The following MTAP variants were observed in gnomAD, a reference collection of about 807,000 sequenced individuals.
MTAP encodes S-methyl-5'-thioadenosine phosphorylase.
In MTAP, 33 loss-of-function variants were observed where a neutral mutation model predicts 33.6. The ratio of observed to expected loss-of-function variants is 0.98; its 90% CI spans 0.74 to 1.31. The LOEUF is 1.31. Ranked by LOEUF, MTAP falls within the 40% of genes most tolerant of loss-of-function variation. The pLI is 0.00. For synonymous variants in MTAP, 148 were observed against 125.7 expected (o/e 1.18, Z -1.19); for missense variants, 367 against 360.0 (o/e 1.02, Z -0.16).
intron 1 of MTAP, among the ~76,000 whole-genome samples, chr9:21,915,036 C>T (rs1248706155): frequency 1.4e-4 from 15 of 104,102 alleles, no homozygotes; most frequent in African/African-American, 4.2e-4. Context: ...TCCTTCCTTC[C>T]TTCCTTCCTT....
In MTAP at chr9:21,864,560, T is replaced by G. The variant is rs1171121418; in HGVS notation, c.*2546T>G. The G allele has an allele frequency of 1.7e-5, 17 of 985,378 alleles. No individual in the cohort carries two copies. Among genetic ancestry groups the G allele is most frequent in the Non-Finnish European group, 1.6e-5 (13 of 829,984 alleles). 61.0% of individuals were successfully genotyped at this position (985,378 alleles called of 1,614,324 possible). Reference sequence around the variant, plus strand: ...TATTTGGCATGGATTTTCATGGTTTTGAGAATGACATCCTGGCCCTGTGGT... The same window carrying G: ...TATTTGGCATGGATTTTCATGGTTTGGAGAATGACATCCTGGCCCTGTGGT... On this transcript the variant is annotated 3_prime_UTR_variant, in exon 8 of 8. Transcript: ENST00000644715.
chr9:21,813,165 G>A (rs1019749804), intron 1 of MTAP, among the ~76,000 whole-genome samples: 2 of 152,254 alleles, frequency 1.3e-5, no homozygotes, highest in Non-Finnish European at 2.9e-5. Context: ...GAGCCAGCAG[G>A]TGGCGACATT....
At chr9:21,854,514 T>G in intron 5 of MTAP, 117 bp from the exon 6 acceptor site, 1 of 1,372,820 alleles carries the variant, frequency 7.3e-7, no homozygotes, top group South Asian at 1.8e-5. Flanking sequence ...ATAGTAGGCA[T>G]TTATTATAGT....
chr9:21,818,207 G>T lies in MTAP; in HGVS notation c.347+5G>T. On this transcript the variant is annotated splice_donor_5th_base_variant and intron_variant, in intron 4 of 7. Coordinates refer to ENST00000644715, the MANE Select transcript of MTAP (RefSeq NM_002451.4). ...TATTGATCAGTTCATTGACAGGTAAGCAGTCATACAAAATGCTTTAGGCTA... is the reference window on the plus strand; with the variant it reads ...TATTGATCAGTTCATTGACAGGTAATCAGTCATACAAAATGCTTTAGGCTA... 6.2e-7 allele frequency: 1 copy of T among 1,605,706 alleles called. No homozygotes were observed. Among genetic ancestry groups the T allele is most frequent in the South Asian group, 1.1e-5 (1 of 90,632 alleles).
intron 3 of MTAP, among the ~76,000 whole-genome samples, chr9:21,817,509 A>G (rs1008334036): frequency 1.3e-5 from 2 of 151,990 alleles, no homozygotes; most frequent in African/African-American, 4.8e-5. Context: ...TACAGGGCGG[A>G]GGCCTTTGGC....
At chr9:21,930,666 C>A (rs904918889) in intron 1 of MTAP, 3 of 499,146 alleles carry the variant, frequency 6.0e-6, no homozygotes, top group East Asian at 6.4e-5. Context: ...ATGGCCAGAG[C>A]AAATTAACAC....
At chr9:21,850,607 G>A (rs1825487433) in intron 5 of MTAP, among the ~76,000 whole-genome samples, 1 of 152,182 alleles carries the variant, frequency 6.6e-6, no homozygotes, top group African/African-American at 2.4e-5. Context: ...TTACAGTGGA[G>A]CCCTCTAGGA....
intron 4 of MTAP, 115 bp downstream of exon 4, chr9:21,818,317 C>CTTT (rs35709813): frequency 0.01 from 2,404 of 240,320 alleles, 150 homozygotes; most frequent in Non-Finnish European, 0.012. Context: ...GACTCGCTTG[C>CTTT]TTTTTTTTTT....
At chr9:21,888,393 A>G (rs1818148055) in intron 1 of MTAP, among the ~76,000 whole-genome samples, 1 of 152,092 alleles carries the variant, frequency 6.6e-6, no homozygotes, top group Non-Finnish European at 1.5e-5. Context: ...GGTCTTCATA[A>G]TCGGTCTAGT....
At chr9:21,927,230 T>G (rs1397480923) in intron 1 of MTAP, among the ~76,000 whole-genome samples, 1 of 152,192 alleles carries the variant, frequency 6.6e-6, no homozygotes, top group African/African-American at 2.4e-5. Flanking sequence ...ATAGGTTACT[T>G]TTTAAAGAAC....
intron 2 of MTAP, 72 bp from the exon 3 acceptor site, chr9:21,816,642 G>A: frequency 7.4e-7 from 1 of 1,344,066 alleles, no homozygotes; most frequent in Non-Finnish European, 1.1e-6. Flanking sequence ...GTCCTGTTGT[G>A]GTTGAACAAT....
chr9:21,816,236 C>T (rs1824471403), intron 2 of MTAP, among the ~76,000 whole-genome samples: 1 of 152,192 alleles, frequency 6.6e-6, no homozygotes, highest in Non-Finnish European at 1.5e-5. Context: ...TCTTAAACCC[C>T]TCGGTTCTAA....
chr9:21,818,199 A>T lies in MTAP; in HGVS notation c.344A>T (p.Asp115Val). 1 of 1,612,234 alleles carries T rather than the reference A, an allele frequency of 6.2e-7. No individual in the cohort carries two copies. Among genetic ancestry groups the T allele is most frequent in the Non-Finnish European group, 8.5e-7 (1 of 1,179,102 alleles). The change falls in exon 4 of 8, where the codon GAC becomes GTC. Residue 115 changes from aspartate (D) to valine (V), a missense_variant. Physicochemically the swap from Asp to Val is radical, Grantham distance 152. Transcript: ENST00000644715. ...ATTGTCATTATTGATCAGTTCATTG[A>T]CAGGTAAGCAGTCATACAAAATGCT... ...GDIVIIDQFI[D>V]RTTMRPQSFY... is the part of the protein sequence containing the mutation.
At chr9:21,912,635 A>C (rs1183697254) in intron 1 of MTAP, among the ~76,000 whole-genome samples, 1 of 152,218 alleles carries the variant, frequency 6.6e-6, no homozygotes, top group Non-Finnish European at 1.5e-5. Context: ...ATGTATCTCA[A>C]AATAATAAGA....
intron 1 of MTAP, among the ~76,000 whole-genome samples, chr9:21,890,972 G>T (rs558028880): frequency 6.6e-6 from 1 of 152,188 alleles, no homozygotes; most frequent in African/African-American, 2.4e-5. Context: ...TTGTAGCCAC[G>T]ATTTTCCCCA....
rs1404248933 is a variant in MTAP at position 21,864,071 on chromosome 9, A to G, written c.*2057A>G. On this transcript the variant is annotated 3_prime_UTR_variant, in exon 8 of 8. Transcript: ENST00000644715. ...GGTACCTTACTTTTCCTCATTCTTA[A>G]TAGGTGTCTAAGAATGTCAGGGCAA... The G allele has an allele frequency of 5.1e-6, 5 of 985,382 alleles. No homozygotes were observed. The East Asian group carries it at 4.5e-4, about 90-fold the overall frequency. The allele number at this position is 985,382 out of a possible 1,614,324, so 61.0% of individuals were successfully genotyped here.
chr9:21,901,035 A>T (rs1818384290), intron 1 of MTAP, among the ~76,000 whole-genome samples: 1 of 152,182 alleles, frequency 6.6e-6, no homozygotes, highest in Non-Finnish European at 1.5e-5. Flanking sequence ...GAGTGAGAGG[A>T]GAGTTAGGAT....
At chr9:21,858,032 G>A (rs1160402219) in intron 6 of MTAP, among the ~76,000 whole-genome samples, 1 of 152,176 alleles carries the variant, frequency 6.6e-6, no homozygotes, top group Non-Finnish European at 1.5e-5. Context: ...CACATAATGA[G>A]TGGTTTATTT....
At chr9:21,882,406 A>G (rs1818030404) in intron 1 of MTAP, among the ~76,000 whole-genome samples, 1 of 152,062 alleles carries the variant, frequency 6.6e-6, no homozygotes, top group African/African-American at 2.4e-5. Flanking sequence ...TAAAGAATAA[A>G]TAAATAGAAA....
Sources: gnomAD v4.1 joint callset for allele counts (sites outside exome capture counted in the v4.1 genomes callset) on GRCh38, gnomAD v4.1.1 for gene constraint, MANE v1.5 for transcripts, NCBI Gene and HGNC (gene_info 2026-07-23, HGNC 2026-07-21) for gene names.